Variants in MYH2 observed in about 807,000 individuals in gnomAD.
MYH2 encodes myosin heavy chain 2, also known as myosin-2.
In MYH2, 139 loss-of-function variants were observed where a neutral mutation model predicts 228.1. The observed-to-expected ratio is 0.61, with a 90% CI of 0.53 to 0.70. The LOEUF is 0.70. Ranked by LOEUF, MYH2 falls within the 30% of genes least tolerant of loss-of-function variation. The pLI, the probability that MYH2 is intolerant of heterozygous loss-of-function variation, is 0.00. For missense variants in MYH2, 1,809 were observed against 2,357.5 expected (o/e 0.77, Z 4.82); for synonymous variants, 796 against 871.1 (o/e 0.91, Z 1.52).
chr17:10,542,873 A>G lies in MYH2; in HGVS notation c.904+2T>C. On this transcript the variant is annotated splice_donor_variant, in intron 10 of 39. Coordinates refer to ENST00000245503, the MANE Select transcript of MYH2 (RefSeq NM_017534.6). LOFTEE classifies it high-confidence loss of function. ...CTGGAAAAGAATTATGACATTTCTT[A>G]CCAATAAGTTCTGGTTTCTTATTCG... The G allele has an allele frequency of 6.4e-7, 1 of 1,569,520 alleles. No homozygotes were observed. Among genetic ancestry groups the G allele is most frequent in the African/African-American group, 1.3e-5 (1 of 74,128 alleles).
At position 10,522,857 on chromosome 17, in the gene MYH2, A is replaced by C. The variant is rs562953837; in HGVS notation, c.5673+233T>G. On this transcript the variant is annotated intron_variant, in intron 39 of 39. Coordinates refer to ENST00000245503, the MANE Select transcript of MYH2 (RefSeq NM_017534.6). ...TACAACTCCGTCATACTGTGGCCGG[A>C]GAATATGGCCTGTATTATTTCTGCT... 2.0e-5 allele frequency among the ~76,000 whole-genome samples: 3 copies of C among 152,244 alleles called. No individual in the cohort carries two copies. The East Asian group carries it at 5.8e-4, about 29-fold the overall frequency.
chr17:10,542,933 A>G lies in MYH2; in HGVS notation c.846T>C (p.Ala282=). The G allele has an allele frequency of 6.2e-7, 1 of 1,612,902 alleles. No individual in the cohort carries two copies. Among genetic ancestry groups the G allele is most frequent in the Non-Finnish European group, 8.5e-7 (1 of 1,179,060 alleles). Residue 282 remains alanine (A), a synonymous_variant, in exon 10 of 40, where the codon GCT becomes GCC. Coordinates refer to ENST00000245503, the MANE Select transcript of MYH2 (RefSeq NM_017534.6). The stretch of plus-strand genomic sequence containing the variant: ...GGTAAAAAATATGATAACTTCTCTC[A>G]GCCTTAAGCTGGAAAACAACTCTAG... ...EKSRVVFQLK[A]ERSYHIFYQI... is the part of the protein sequence containing the mutation.
intron 5 of MYH2, among the ~76,000 whole-genome samples, chr17:10,544,815 T>TA (rs1309113420): frequency 6.6e-6 from 1 of 152,178 alleles, no homozygotes; most frequent in African/African-American, 2.4e-5. Context: ...TAATACCAAA[T>TA]ACACCTTAAA....
Position 10,547,514 on chromosome 17 carries a change from C to T in MYH2, c.309G>A (p.Leu103=). 1.2e-6 allele frequency: 2 copies of T among 1,614,142 alleles called. No individual in the cohort carries two copies. The highest frequency in any genetic ancestry group is 1.7e-6 in the Non-Finnish European group (2 of 1,180,012). ...CTGCATAACGTTCTTTGAGGTTGTACAGCACAGCAGGCTCATGCAGATGAG... is the reference window on the plus strand; with the variant it reads ...CTGCATAACGTTCTTTGAGGTTGTATAGCACAGCAGGCTCATGCAGATGAG... ...MMTHLHEPAV[L]YNLKERYAAW... is the part of the protein sequence containing the mutation. Residue 103 remains leucine (L), a synonymous_variant, in exon 4 of 40, where the codon CTG becomes CTA. Transcript: ENST00000245503.
At chr17:10,521,713 G>A (rs2073287666) in intron 39 of MYH2, among the ~76,000 whole-genome samples, 1 of 150,250 alleles carries the variant, frequency 6.7e-6, no homozygotes, top group African/African-American at 2.5e-5. Flanking sequence ...TAGAGAGGAA[G>A]GCAAGAATAT....
intron 4 of MYH2, 36 bp downstream of exon 4, chr17:10,547,439 G>T (rs1233201907): frequency 3.1e-6 from 5 of 1,612,930 alleles, no homozygotes; most frequent in South Asian, 1.1e-5. Flanking sequence ...GGGTACATGA[G>T]GATGATTATA....
Position 10,533,781 on chromosome 17 carries a change from C to A in MYH2, c.2181-149G>T, listed in dbSNP as rs998390240. 10 of 1,100,006 alleles carry A rather than the reference C, an allele frequency of 9.1e-6. No homozygotes were observed. In the African/African-American group the frequency reaches 1.3e-4, roughly 14 times the overall value. 68.1% of individuals were successfully genotyped at this position (1,100,006 alleles called of 1,614,324 possible). ...AACATTGTTTATTTGAATGGTCAACCCTTTGGCAACCAATTTTTATTCCAT... is the reference window on the plus strand; with the variant it reads ...AACATTGTTTATTTGAATGGTCAACACTTTGGCAACCAATTTTTATTCCAT... On this transcript the variant is annotated intron_variant, in intron 19 of 39. Transcript: ENST00000245503.
intron 4 of MYH2, 32 bp from the exon 5 acceptor site, chr17:10,545,534 G>T: frequency 6.2e-7 from 1 of 1,611,990 alleles, no homozygotes; most frequent in South Asian, 1.1e-5. Flanking sequence ...AGTACCCAAA[G>T]ACCTTTCCTG....
rs1301866423 is a variant in MYH2 at position 10,531,559 on chromosome 17, TC to T, written c.2697+73del. ...AGTGTCTCCCTTGCAATTACCCAAC[TC>T]ATGGCCCACAATGGCCAAAGTTCTA... On this transcript the variant is annotated intron_variant, in intron 22 of 39. Transcript: ENST00000245503. 5 of 1,599,712 alleles carry T rather than the reference TC, an allele frequency of 3.1e-6. No individual in the cohort carries two copies. The African/African-American group carries it at 6.7e-5, about 21-fold the overall frequency.
chr17:10,538,892 ACT>A (rs1273867550), intron 14 of MYH2, among the ~76,000 whole-genome samples: 3 of 152,112 alleles, frequency 2.0e-5, no homozygotes, highest in Non-Finnish European at 2.9e-5. Flanking sequence ...GTTACTGCTG[ACT>A]CTAAATTATT....
chr17:10,535,198 T>G lies in MYH2; in HGVS notation c.2063-8A>C, dbSNP rs772997557. The G allele has an allele frequency of 2.5e-6, 4 of 1,614,086 alleles. No individual in the cohort carries two copies. Among genetic ancestry groups the G allele is most frequent in the Non-Finnish European group, 2.5e-6 (3 of 1,179,980 alleles). ...GCTCATGCTCCATGGCACCTAAAAA[T>G]GCATATTTATTTCACTGCAGAGCTG... is the stretch of plus-strand genomic sequence containing the variant. On this transcript the variant is annotated splice_region_variant and splice_polypyrimidine_tract_variant and intron_variant, in intron 18 of 39. Transcript: ENST00000245503.
rs531508284 is a variant in MYH2 at position 10,539,610 on chromosome 17, C to A, written c.1148-48G>T. On this transcript the variant is annotated intron_variant, in intron 12 of 39. Coordinates refer to ENST00000245503, the MANE Select transcript of MYH2 (RefSeq NM_017534.6). Reference sequence around the variant, plus strand: ...CAATGTTATTGTGGCCCAAAGAAACCCACTTCCTTAAAAATATTTTTTAAA... The same window carrying A: ...CAATGTTATTGTGGCCCAAAGAAACACACTTCCTTAAAAATATTTTTTAAA... The A allele has an allele frequency of 8.5e-6, 13 of 1,529,986 alleles. 1 individual carries two copies. In the Admixed American group the frequency reaches 2.0e-4, roughly 24 times the overall value. 94.8% of individuals were successfully genotyped at this position (1,529,986 alleles called of 1,614,324 possible).
intron 5 of MYH2, among the ~76,000 whole-genome samples, chr17:10,544,470 C>T (rs2073599609): frequency 6.6e-6 from 1 of 152,164 alleles, no homozygotes; most frequent in African/African-American, 2.4e-5. Context: ...CTTTTTAATA[C>T]TCTATCACTA....
chr17:10,530,913 A>T (rs765299542), intron 22 of MYH2, among the ~76,000 whole-genome samples: 1 of 152,226 alleles, frequency 6.6e-6, no homozygotes, highest in Non-Finnish European at 1.5e-5. Context: ...AGAAAAAAAT[A>T]TGACTTTATG....
chr17:10,547,156 G>A (rs1002641955), intron 4 of MYH2, among the ~76,000 whole-genome samples: 1 of 152,154 alleles, frequency 6.6e-6, no homozygotes, highest in Admixed American at 6.5e-5. Flanking sequence ...ATGATTCTGC[G>A]GCTGGAGTGG....
rs1042075 is a variant in MYH2 at position 10,526,671 on chromosome 17, G to C, written c.4115C>G (p.Thr1372Ser). The change falls in exon 30 of 40, where the codon ACC becomes AGC. Residue 1372 changes from threonine (T) to serine (S), a missense_variant. By Grantham distance (58) the Thr-to-Ser change is moderately conservative. Transcript: ENST00000245503. ...ELQRALSKAN[T>S]EVAQWRTKYE... ...TTTGGTCCTCCATTGGGCAACCTCG[G>C]TGTTGGCCTTGGACAGTGCTCTCTG... is the stretch of plus-strand genomic sequence containing the variant. 6.2e-7 allele frequency: 1 copy of C among 1,614,046 alleles called. No homozygotes were observed. The highest frequency in any genetic ancestry group is 2.2e-5 in the East Asian group (1 of 44,878).
At chr17:10,546,823 T>TA (rs1414494139) in intron 4 of MYH2, among the ~76,000 whole-genome samples, 1 of 151,698 alleles carries the variant, frequency 6.6e-6, no homozygotes, top group African/African-American at 2.4e-5. Context: ...CTTATGCCTG[T>TA]AATCCCAGCA....
In MYH2 at chr17:10,537,395, G is replaced by T. The variant is rs2073494437; in HGVS notation, c.1735C>A (p.His579Asn). The change falls in exon 16 of 40, where the codon CAC becomes AAC. Residue 579 changes from histidine to asparagine, a missense_variant. By Grantham distance (68) the His-to-Asn change is moderately conservative. Around this residue, in one of 9 missense-constraint regions of MYH2, gnomAD observed 41 missense variants for 35.1 expected, o/e 1.17. Coordinates refer to ENST00000245503, the MANE Select transcript of MYH2 (RefSeq NM_017534.6). The surrounding 1 kb of genome is among the most constrained non-coding windows in gnomAD (Gnocchi z 4.0). ...CCAGCATAGTGAATCAGAGCGAAGT[G>T]GGCCTCGGCCTTGCCTTTGACCACC... ...PKVVKGKAEA[H>N]FALIHYAGVV... The T allele has an allele frequency of 1.2e-6, 2 of 1,614,022 alleles. No homozygotes were observed. Among genetic ancestry groups the T allele is most frequent in the South Asian group, 1.1e-5 (1 of 91,086 alleles).
intron 4 of MYH2, 41 bp downstream of exon 4, chr17:10,547,434 C>T: frequency 6.2e-7 from 1 of 1,612,112 alleles, no homozygotes; most frequent in Non-Finnish European, 8.5e-7. Flanking sequence ...TGGTAGGGTA[C>T]ATGAGGATGA....
Sources: gnomAD v4.1 joint callset for allele counts (sites outside exome capture counted in the v4.1 genomes callset) on GRCh38, gnomAD v4.1.1 for gene constraint, gnomAD v4.1.1 regional missense constraint, Gnocchi (gnomAD v3.1) non-coding constraint, MANE v1.5 for transcripts, NCBI Gene and HGNC (gene_info 2026-07-23, HGNC 2026-07-21) for gene names.